Variants in MAST4 observed in about 807,000 individuals in gnomAD.
MAST4 encodes microtubule associated serine/threonine kinase family member 4, also known as microtubule-associated serine/threonine-protein kinase 4.
In MAST4, 89 loss-of-function variants were observed where a neutral mutation model predicts 162.7. The observed-to-expected ratio is 0.55, with a 90% CI of 0.46 to 0.65. The LOEUF (loss-of-function observed/expected upper bound fraction) is 0.65. MAST4 is among the 30% of genes least tolerant of loss of function. MAST4 has a pLI of 0.00. For synonymous variants in MAST4, 1,479 were observed against 1,361.1 expected (o/e 1.09, Z -1.91); for missense variants, 3,153 against 3,374.0 (o/e 0.93, Z 1.62).
At chr5:67,019,635 T>TCCCCA in intron 4 of MAST4, among the ~76,000 whole-genome samples, 1 of 152,244 alleles carries the variant, frequency 6.6e-6, no homozygotes, top group South Asian at 2.1e-4. Flanking sequence ...TATTTAATTT[T>TCCCCA]CAGACATAAG....
intron 1 of MAST4, among the ~76,000 whole-genome samples, chr5:66,722,513 T>G (rs1034846622): frequency 2.6e-5 from 4 of 151,960 alleles, no homozygotes; most frequent in Non-Finnish European, 5.9e-5. Context: ...TTTTATTTAT[T>G]TATTGTCCAC....
At chr5:66,788,092 A>C (rs1381745146) in intron 2 of MAST4, among the ~76,000 whole-genome samples, 1 of 152,240 alleles carries the variant, frequency 6.6e-6, no homozygotes, top group Non-Finnish European at 1.5e-5. Flanking sequence ...ACCTAGACTG[A>C]CATTGATGTC....
intron 3 of MAST4, among the ~76,000 whole-genome samples, chr5:66,845,096 T>TAC: frequency 1.9e-5 from 2 of 107,454 alleles, no homozygotes; most frequent in Non-Finnish European, 3.6e-5. Context: ...TATATATATA[T>TAC]ATATATATAT....
At chr5:66,921,752 C>T (rs767539749) in intron 4 of MAST4, among the ~76,000 whole-genome samples, 1 of 152,086 alleles carries the variant, frequency 6.6e-6, no homozygotes, top group Non-Finnish European at 1.5e-5. Flanking sequence ...GAATGGGACC[C>T]ATCTCAAAAG....
At chr5:66,847,820 C>CAAAAA (rs777825639) in intron 3 of MAST4, among the ~76,000 whole-genome samples, 14,301 of 53,888 alleles carry the variant, frequency 0.27, 2,859 homozygotes, top group Non-Finnish European at 0.35. Flanking sequence ...GACTCCTTCT[C>CAAAAA]AAAAAAAAAA....
intron 4 of MAST4, among the ~76,000 whole-genome samples, chr5:67,054,067 A>G (rs1402002461): frequency 6.6e-6 from 1 of 152,244 alleles, no homozygotes; most frequent in African/African-American, 2.4e-5. Context: ...GTGTCAACAA[A>G]GATGCTACCT....
In MAST4 at chr5:66,847,820, C is replaced by CAAAAAAAAAAAAAAAA. The variant is rs777825639; in HGVS notation, c.643-52123_643-52108dup. Among the ~76,000 whole-genome samples the CAAAAAAAAAAAAAAAA allele has an allele frequency of 3.4e-3, 183 of 54,140 alleles. 7 individuals are homozygous for CAAAAAAAAAAAAAAAA. Among genetic ancestry groups the CAAAAAAAAAAAAAAAA allele is most frequent in the African/African-American group, 0.015 (173 of 11,484 alleles). The allele number at this position is 54,140 out of a possible 152,430, so 35.5% of individuals were successfully genotyped here. A position where few individuals can be genotyped will look rare whatever the true frequency, so the allele number is the denominator to read the frequency against. ...TGGGTGCTGGAACAAGACTCCTTCTCAAAAAAAAAAAAAAAAAAAAAAAGA... is the reference window on the plus strand; with the variant it reads ...TGGGTGCTGGAACAAGACTCCTTCTCAAAAAAAAAAAAAAAAAAAAAAAAAAAAAAAAAAAAAAAGA... On this transcript the variant is annotated intron_variant, in intron 3 of 28. Transcript: ENST00000403625.
chr5:66,801,915 CTAAGA>C (rs1168034826), intron 3 of MAST4, among the ~76,000 whole-genome samples: 2 of 152,070 alleles, frequency 1.3e-5, no homozygotes, highest in Non-Finnish European at 2.9e-5. Context: ...GAATTTATAA[CTAAGA>C]TAACAAATAA....
intron 1 of MAST4, among the ~76,000 whole-genome samples, chr5:66,750,680 G>T (rs1183823782): frequency 6.6e-6 from 1 of 152,222 alleles, no homozygotes; most frequent in Non-Finnish European, 1.5e-5. Flanking sequence ...TAGCACAGCA[G>T]TCTGAGATCA....
chr5:66,777,384 A>G (rs920600106), intron 2 of MAST4, among the ~76,000 whole-genome samples: 1 of 152,208 alleles, frequency 6.6e-6, no homozygotes, highest in African/African-American at 2.4e-5. Flanking sequence ...CTTTGTTTAC[A>G]TTCTAAATTC....
chr5:66,907,810 A>T (rs1763485724), intron 4 of MAST4, among the ~76,000 whole-genome samples: 1 of 152,176 alleles, frequency 6.6e-6, no homozygotes. Context: ...TTTTCAGCAA[A>T]GTAAAGGCAA....
intron 14 of MAST4, among the ~76,000 whole-genome samples, chr5:67,122,026 T>C (rs537792276): frequency 2.8e-4 from 42 of 152,280 alleles, no homozygotes; most frequent in Admixed American, 9.8e-4. Flanking sequence ...TGTTCCTTCC[T>C]TGATCCCTTT....
intron 3 of MAST4, among the ~76,000 whole-genome samples, chr5:66,840,767 A>G (rs1323660418): frequency 6.6e-6 from 1 of 152,194 alleles, no homozygotes. Context: ...TCTGGGTCCC[A>G]GAACAAACCT....
rs968634016 is a variant in MAST4, at chr5:67,133,388, G to C, written c.2094-126G>C. ...GTGACTCCATCTCTTTCCAGGCTGGGTTTTGTAATAAGCTTGATGCCCATA... is the reference window on the plus strand; with the variant it reads ...GTGACTCCATCTCTTTCCAGGCTGGCTTTTGTAATAAGCTTGATGCCCATA... On this transcript the variant is annotated intron_variant, in intron 16 of 28. Coordinates refer to ENST00000403625, the MANE Select transcript of MAST4 (RefSeq NM_001164664.2). 10 of 1,040,764 alleles carry C rather than the reference G, an allele frequency of 9.6e-6. No individual in the cohort carries two copies. In the African/African-American group the frequency reaches 1.4e-4, roughly 15 times the overall value. 64.5% of individuals were successfully genotyped at this position (1,040,764 alleles called of 1,614,324 possible). A position where few individuals can be genotyped will look rare whatever the true frequency, so the allele number is the denominator to read the frequency against.
intron 4 of MAST4, among the ~76,000 whole-genome samples, chr5:66,960,154 C>T (rs183104060): frequency 1.4e-4 from 22 of 152,274 alleles, no homozygotes; most frequent in South Asian, 4.2e-4. Context: ...TCTGTACAGT[C>T]CCAATAATCT....
chr5:67,086,822 C>T (rs184344493), intron 5 of MAST4, among the ~76,000 whole-genome samples: 1 of 152,310 alleles, frequency 6.6e-6, no homozygotes, highest in East Asian at 1.9e-4. Context: ...CTCCTTCTTA[C>T]TCTCATCCTG....
intron 4 of MAST4, among the ~76,000 whole-genome samples, chr5:66,945,744 C>G (rs540382528): frequency 3.3e-5 from 5 of 152,076 alleles, no homozygotes; most frequent in Non-Finnish European, 4.4e-5. Flanking sequence ...GTGGTATACC[C>G]TATATACAGA....
chr5:66,793,956 A>G (rs1002934584), intron 3 of MAST4, among the ~76,000 whole-genome samples: 3 of 152,200 alleles, frequency 2.0e-5, no homozygotes, highest in Admixed American at 1.3e-4. Flanking sequence ...CTGTTTTCCA[A>G]GCTGTCTCCT....
At position 66,717,413 on chromosome 5, in the gene MAST4, A is replaced by G. The variant is rs118188067; in HGVS notation, c.364-42296A>G. Among the ~76,000 whole-genome samples the G allele has an allele frequency of 3.0e-4, 46 of 152,346 alleles. 1 individual carries two copies. The East Asian group carries it at 7.1e-3, about 24-fold the overall frequency. Reference sequence around the variant, plus strand: ...CTATTATAAATTAGTAGCTATGCCTATATTCATAAAGAAAGGCCTCCTTTG... The same window carrying G: ...CTATTATAAATTAGTAGCTATGCCTGTATTCATAAAGAAAGGCCTCCTTTG... On this transcript the variant is annotated intron_variant, in intron 1 of 28. Transcript: ENST00000403625.
Sources: gnomAD v4.1 joint callset for allele counts (sites outside exome capture counted in the v4.1 genomes callset) on GRCh38, gnomAD v4.1.1 for gene constraint, MANE v1.5 for transcripts, NCBI Gene and HGNC (gene_info 2026-07-23, HGNC 2026-07-21) for gene names.